MINDY4: variants seen among roughly 807,000 people sequenced by gnomAD.
MINDY4 encodes the protein probable ubiquitin carboxyl-terminal hydrolase MINDY-4.
In MINDY4, 68 loss-of-function variants were observed where a neutral mutation model predicts 87.0. The observed-to-expected ratio is 0.78, with a 90% CI of 0.64 to 0.96. The LOEUF (loss-of-function observed/expected upper bound fraction) is 0.96. Ranked by LOEUF, MINDY4 falls within the 40% of genes least tolerant of loss-of-function variation. The pLI, the probability that MINDY4 is intolerant of heterozygous loss-of-function variation, is 0.00. For synonymous variants in MINDY4, 379 were observed against 363.2 expected, an observed-to-expected ratio of 1.04 and a Z score of -0.50; for missense variants, 919 against 928.2, an observed-to-expected ratio of 0.99 and a Z score of 0.13.
chr7:30,789,658 T>C (rs1481445691), intron 4 of MINDY4, among the ~76,000 whole-genome samples: 1 of 152,176 alleles, frequency 6.6e-6, no homozygotes, highest in African/African-American at 2.4e-5. Context: ...AGGTTTATAG[T>C]GCTTAGTAAT....
chr7:30,851,398 C>T (rs1290763765), intron 10 of MINDY4, among the ~76,000 whole-genome samples: 2 of 152,032 alleles, frequency 1.3e-5, no homozygotes, highest in Non-Finnish European at 2.9e-5. Flanking sequence ...GGCTGTGAGA[C>T]CTAAATGAGT....
chr7:30,800,047 T>C (rs41547), intron 5 of MINDY4, among the ~76,000 whole-genome samples: 5,375 of 152,232 alleles, frequency 0.035, 151 homozygotes, highest in Non-Finnish European at 0.056. Flanking sequence ...TAGATGAGTT[T>C]GGCAAAGGAC....
intron 12 of MINDY4, among the ~76,000 whole-genome samples, chr7:30,854,739 G>C (rs1261743228): frequency 6.6e-6 from 1 of 152,260 alleles, no homozygotes; most frequent in Non-Finnish European, 1.5e-5. Context: ...CAAAGACCCT[G>C]AAGGCCTGGG....
intron 17 of MINDY4, among the ~76,000 whole-genome samples, chr7:30,884,952 C>G (rs931078867): frequency 2.4e-4 from 37 of 152,192 alleles, no homozygotes; most frequent in African/African-American, 8.9e-4. Context: ...GCCCCTTGTT[C>G]ACTTGCAAGC....
chr7:30,852,249 G>T lies in MINDY4; in HGVS notation c.1581G>T (p.Gly527=), dbSNP rs747522339. 1.2e-6 allele frequency: 2 copies of T among 1,614,154 alleles called. No homozygotes were observed. Among genetic ancestry groups the T allele is most frequent in the Admixed American group, 3.3e-5 (2 of 60,022 alleles). Residue 527 remains glycine, a synonymous_variant, in exon 11 of 18, where the codon GGG becomes GGT. Transcript: ENST00000265299. ...ASRTQQFSPT[G]KYKADGVLET... ...GAACACAGCAGTTCAGTCCAACAGG[G>T]AAATACAAAGCAGATGGAGTCTTAG...
At chr7:30,835,056 C>T (rs1788816643) in intron 6 of MINDY4, among the ~76,000 whole-genome samples, 1 of 152,242 alleles carries the variant, frequency 6.6e-6, no homozygotes, top group Admixed American at 6.5e-5. Flanking sequence ...GTTTCAAAGT[C>T]ACTTCCACAT....
chr7:30,875,522 A>G lies in MINDY4; in HGVS notation c.1837A>G (p.Lys613Glu). The change falls in exon 15 of 18, where the codon AAA (lysine) becomes GAA (glutamate). Residue 613 changes from lysine (K) to glutamate (E), a missense_variant. Coordinates refer to ENST00000265299, the MANE Select transcript of MINDY4 (RefSeq NM_032222.3). ...QELVNLLLTG[K>E]AVSNVFNDVV... ...ACTTGTCAATCTGCTCCTGACTGGG[A>G]AAGCTGTGTCCAACGTTTTCAACGA... 6.2e-7 allele frequency: 1 copy of G among 1,614,230 alleles called. No individual in the cohort carries two copies.
intron 14 of MINDY4, 101 bp downstream of exon 14, chr7:30,872,407 C>A: frequency 9.1e-7 from 1 of 1,103,760 alleles, no homozygotes; most frequent in Non-Finnish European, 1.3e-6. Flanking sequence ...AAAGACAAGT[C>A]TTTCTTGCCT....
intron 6 of MINDY4, among the ~76,000 whole-genome samples, chr7:30,834,680 CT>C (rs1237774441): frequency 1.3e-5 from 2 of 152,172 alleles, no homozygotes; most frequent in African/African-American, 4.8e-5. Flanking sequence ...GTTTTCTGAG[CT>C]TTTATGCTTT....
chr7:30,837,534 C>T (rs1584295963), intron 7 of MINDY4, among the ~76,000 whole-genome samples: 1 of 152,232 alleles, frequency 6.6e-6, no homozygotes, highest in Admixed American at 6.5e-5. Flanking sequence ...CTCCTCCCCT[C>T]TCCCCTTCTC....
At chr7:30,867,900 A>G (rs1481414954) in intron 13 of MINDY4, among the ~76,000 whole-genome samples, 1 of 152,118 alleles carries the variant, frequency 6.6e-6, no homozygotes, top group Non-Finnish European at 1.5e-5. Context: ...ACTTGTGCAC[A>G]TCCTAGGAGG....
chr7:30,854,762 A>G (rs1789521484), intron 12 of MINDY4, among the ~76,000 whole-genome samples: 1 of 152,132 alleles, frequency 6.6e-6, no homozygotes, highest in South Asian at 2.1e-4. Flanking sequence ...CAGCCCTGGG[A>G]AATGATCAGG....
intron 5 of MINDY4, among the ~76,000 whole-genome samples, chr7:30,792,233 A>T (rs1787345971): frequency 6.6e-6 from 1 of 152,372 alleles, no homozygotes; most frequent in South Asian, 2.1e-4. Context: ...CATCCTAAGA[A>T]TAAATCCCAC....
chr7:30,793,737 C>G (rs1787393408), intron 5 of MINDY4, among the ~76,000 whole-genome samples: 1 of 152,038 alleles, frequency 6.6e-6, no homozygotes, highest in African/African-American at 2.4e-5. Context: ...AAGAGCAGCC[C>G]ACTTCTAAGA....
chr7:30,828,850 G>A (rs564666632), intron 6 of MINDY4, 113 bp downstream of exon 6: 17 of 923,288 alleles, frequency 1.8e-5, no homozygotes, highest in African/African-American at 1.5e-4. Flanking sequence ...TGACCTCAGC[G>A]AGTGGGGCTG....
chr7:30,812,265 G>T, intron 5 of MINDY4, among the ~76,000 whole-genome samples: 1 of 61,704 alleles, frequency 1.6e-5, no homozygotes, highest in Non-Finnish European at 2.9e-5. Flanking sequence ...ATGTGTATGT[G>T]TGTTGAGGGG....
intron 7 of MINDY4, among the ~76,000 whole-genome samples, chr7:30,837,871 A>G (rs1276104421): frequency 6.6e-6 from 1 of 152,216 alleles, no homozygotes; most frequent in African/African-American, 2.4e-5. Context: ...GCCCTGACAG[A>G]TGAATCCACA....
intron 15 of MINDY4, among the ~76,000 whole-genome samples, chr7:30,877,009 C>A (rs1350155422): frequency 3.3e-5 from 5 of 152,126 alleles, no homozygotes; most frequent in African/African-American, 9.7e-5. Flanking sequence ...GCAGCCCCCT[C>A]CCCAGATCCC....
chr7:30,798,267 C>A (rs574366641), intron 5 of MINDY4, among the ~76,000 whole-genome samples: 1 of 152,212 alleles, frequency 6.6e-6, no homozygotes, highest in East Asian at 1.9e-4. Flanking sequence ...TCTTATGGAA[C>A]CACTGTGATA....
Sources: allele counts gnomAD v4.1 joint callset (sites outside exome capture counted in the v4.1 genomes callset), GRCh38; gene constraint gnomAD v4.1.1; transcripts MANE v1.5; gene names NCBI Gene and HGNC (gene_info 2026-07-23, HGNC 2026-07-21).